Variants in PNMA6F observed in about 807,000 individuals in gnomAD.
PNMA6F encodes paraneoplastic antigen Ma6F.
For missense variants in PNMA6F, 57 were observed against 10.8 expected (o/e 5.25, Z -5.98); for synonymous variants, 14 against 3.4 (o/e 4.15, Z -3.45).
Position 153,317,804 on chromosome X carries a change from GC to G in PNMA6F, c.*1133del. The G allele has an allele frequency of 8.2e-6, 1 of 122,297 alleles. No homozygotes were observed. 10.1% of individuals were successfully genotyped at this position (122,297 alleles called of 1,213,427 possible). ...GACACAGGTCCCACACAGGTCCCGGGCCCCCTCCTCCTGGGGTTCCTGGCAA... is the reference window on the plus strand; with the variant it reads ...GACACAGGTCCCACACAGGTCCCGGGCCCCTCCTCCTGGGGTTCCTGGCAA... On this transcript the variant is annotated 3_prime_UTR_variant, in exon 2 of 2. Transcript: ENST00000436629.
In PNMA6F at chrX:153,319,786, CCAG is replaced by C. The variant is rs1291049215; in HGVS notation, c.886_888del (p.Leu296del). The C allele has an allele frequency of 3.3e-6, 1 of 301,781 alleles. No homozygotes were observed. Among genetic ancestry groups the C allele is most frequent in the African/African-American group, 2.7e-5 (1 of 37,228 alleles). The allele number at this position is 301,781 out of a possible 1,213,427, so 24.9% of individuals were successfully genotyped here. On this transcript the variant is annotated inframe_deletion, in exon 2 of 2. Transcript: ENST00000436629. ...TCCAGGGCCAGGCCATCCAAGCTGT[CCAG>C]CAGCCGCCTCCTTCTCTCCCTTTCC...
rs2051973283 is a variant in PNMA6F, at chrX:153,318,673, C to T, written c.*265G>A. Reference sequence around the variant, plus strand: ...CACCCTTGAGAGGGCCTCTTTCCCCCATCTCTCCCAACACAGGACAAGGGG... The same window carrying T: ...CACCCTTGAGAGGGCCTCTTTCCCCTATCTCTCCCAACACAGGACAAGGGG... On this transcript the variant is annotated 3_prime_UTR_variant, in exon 2 of 2. Transcript: ENST00000436629. The T allele has an allele frequency of 4.1e-6, 1 of 243,660 alleles. No homozygotes were observed. Among genetic ancestry groups the T allele is most frequent in the Non-Finnish European group, 7.3e-6 (1 of 136,607 alleles). 20.1% of individuals were successfully genotyped at this position (243,660 alleles called of 1,213,427 possible).
In PNMA6F at chrX:153,319,833, TGC is replaced by T. The variant is rs2051983557; in HGVS notation, c.840_841del (p.Gln281AlafsTer50). ...CCTTTCCGACGCGTGGCACCACAGC[TGC>T]AGCATATCCTTGGCGTCCTCCAACC... On this transcript the variant is annotated frameshift_variant, in exon 2 of 2. Coordinates refer to ENST00000436629, the MANE Select transcript of PNMA6F (RefSeq NM_001354980.2). LOFTEE classifies it low-confidence loss of function (END_TRUNC). 4 of 300,959 alleles carry T rather than the reference TGC, an allele frequency of 1.3e-5. No homozygotes were observed. The highest frequency in any genetic ancestry group is 8.6e-4 in the Middle Eastern group (1 of 1,166). 24.8% of individuals were successfully genotyped at this position (300,959 alleles called of 1,213,427 possible).
At position 153,319,643 on chromosome X, in the gene PNMA6F, C is replaced by T. The variant is rs1556958673; in HGVS notation, c.1032G>A (p.Leu344=). ...DTWMTSRMKF[L]TCTQGPQEGL... ...CCTCCTGGGGCCCCTGCGTGCAGGT[C>T]AGGAACTTCATCCGCGAGGTCATCC... The change falls in exon 2 of 2, where the codon CTG becomes CTA. Residue 344 remains leucine, a synonymous_variant. Transcript: ENST00000436629. 1 of 297,262 alleles carries T rather than the reference C, an allele frequency of 3.4e-6. No homozygotes were observed. Among genetic ancestry groups the T allele is most frequent in the African/African-American group, 2.7e-5 (1 of 36,786 alleles). The allele number at this position is 297,262 out of a possible 1,213,427, so 24.5% of individuals were successfully genotyped here. A position where few individuals can be genotyped will look rare whatever the true frequency, so the allele number is the denominator to read the frequency against.
In PNMA6F at chrX:153,318,519, G is replaced by A. The variant is rs1301035889; in HGVS notation, c.*419C>T. On this transcript the variant is annotated 3_prime_UTR_variant, in exon 2 of 2. Transcript: ENST00000436629. ...ACAATGGCTAGCGGTGGGTGAGTGG[G>A]CGTCTGCTGTTCGGACGCGTGGGTC... The A allele has an allele frequency of 2.5e-5, 3 of 120,295 alleles. No homozygotes were observed. The highest frequency in any genetic ancestry group is 5.2e-5 in the Non-Finnish European group (3 of 58,206). 9.9% of individuals were successfully genotyped at this position (120,295 alleles called of 1,213,427 possible). A position where few individuals can be genotyped will look rare whatever the true frequency, so the allele number is the denominator to read the frequency against.
rs2051987698 is a variant in PNMA6F at position 153,320,300 on chromosome X, C to CTCATCT, written c.374_375insAGATGA (p.Glu125_Ala126insAspGlu). The CTCATCT allele has an allele frequency of 6.0e-5, 19 of 317,686 alleles. No individual in the cohort carries two copies. The highest frequency in any genetic ancestry group is 8.1e-5 in the Non-Finnish European group (15 of 184,266). 26.2% of individuals were successfully genotyped at this position (317,686 alleles called of 1,213,427 possible). A position where few individuals can be genotyped will look rare whatever the true frequency, so the allele number is the denominator to read the frequency against. On this transcript the variant is annotated inframe_insertion, in exon 2 of 2. Coordinates refer to ENST00000436629, the MANE Select transcript of PNMA6F (RefSeq NM_001354980.2). ...CTCCTGCCTCACCTACAGATCCTGC[C>CTCATCT]TCACCTGCAGCTCCTGCTTCACCTG... is the stretch of plus-strand genomic sequence containing the variant.
rs188341536 is a variant in PNMA6F, at chrX:153,320,782, G to C, written c.-83-25C>G. Reference sequence around the variant, plus strand: ...CCTGTGAGTGCAAAGGGGAGAGAGGGACGACGTTGCTGCCAATCAACCCAC... The same window carrying C: ...CCTGTGAGTGCAAAGGGGAGAGAGGCACGACGTTGCTGCCAATCAACCCAC... On this transcript the variant is annotated intron_variant, in intron 1 of 1. Transcript: ENST00000436629. The C allele has an allele frequency of 9.1e-4, 266 of 292,878 alleles. 3 individuals are homozygous for C. Among genetic ancestry groups the C allele is most frequent in the African/African-American group, 7.2e-3 (259 of 36,117 alleles). 24.1% of individuals were successfully genotyped at this position (292,878 alleles called of 1,213,427 possible). A position where few individuals can be genotyped will look rare whatever the true frequency, so the allele number is the denominator to read the frequency against.
chrX:153,318,755 A>C lies in PNMA6F; in HGVS notation c.*183T>G, dbSNP rs191725108. ...AGAGCTCCCTCCAGGCCAGCTCCCC[A>C]TTTGGTATCAAACGTGGTCATCTGA... On this transcript the variant is annotated 3_prime_UTR_variant, in exon 2 of 2. Coordinates refer to ENST00000436629, the MANE Select transcript of PNMA6F (RefSeq NM_001354980.2). 1,042 of 291,580 alleles carry C rather than the reference A, an allele frequency of 3.6e-3. 12 individuals are homozygous for C. The highest frequency in any genetic ancestry group is 0.026 in the African/African-American group (950 of 36,713). 24.0% of individuals were successfully genotyped at this position (291,580 alleles called of 1,213,427 possible).
At position 153,318,231 on chromosome X, in the gene PNMA6F, T is replaced by C. The variant is rs1355383777; in HGVS notation, c.*707A>G. 1.7e-5 allele frequency: 2 copies of C among 120,256 alleles called. No homozygotes were observed. Among genetic ancestry groups the C allele is most frequent in the Admixed American group, 9.4e-5 (1 of 10,648 alleles). 9.9% of individuals were successfully genotyped at this position (120,256 alleles called of 1,213,427 possible). ...ATAGCAGTCACAGGATGAGCGTCCA[T>C]CGTGCCCTGGCGCCTCCTTCCACCA... On this transcript the variant is annotated 3_prime_UTR_variant, in exon 2 of 2. Transcript: ENST00000436629.
chrX:153,320,161 CTCCTGCCTCACCTGCTG>C lies in PNMA6F; in HGVS notation c.497_513del (p.Ala166GlyfsTer4). Reference sequence around the variant, plus strand: ...CCTGCACCTCCTGCCTCACCTGCTGCTCCTGCCTCACCTGCTGCTCCTGCCTCACCTGCTGCTCCTGC... The same window carrying C: ...CCTGCACCTCCTGCCTCACCTGCTGCCTCCTGCCTCACCTGCTGCTCCTGC... On this transcript the variant is annotated frameshift_variant, in exon 2 of 2. Coordinates refer to ENST00000436629, the MANE Select transcript of PNMA6F (RefSeq NM_001354980.2). LOFTEE classifies it low-confidence loss of function (END_TRUNC). 2.8e-6 allele frequency: 1 copy of C among 356,972 alleles called. No homozygotes were observed. The highest frequency in any genetic ancestry group is 4.9e-5 in the Admixed American group (1 of 20,363). 29.4% of individuals were successfully genotyped at this position (356,972 alleles called of 1,213,427 possible).
Position 153,319,302 on chromosome X carries a change from T to C in PNMA6F, c.1373A>G (p.Gln458Arg). The change falls in exon 2 of 2, where the codon CAG becomes CGG. Residue 458 changes from glutamine to arginine, a missense_variant. Gln to Arg is a conservative substitution (Grantham distance 43, BLOSUM62 1). Coordinates refer to ENST00000436629, the MANE Select transcript of PNMA6F (RefSeq NM_001354980.2). ...DPAAAQASPA[Q>R]GDASEADPGA... is the part of the protein sequence containing the mutation. ...GGGATCAGCCTCGCTGGCGTCCCCCTGGGCCGGGGAGGCCTGGGCAGCAGC... is the reference window on the plus strand; with the variant it reads ...GGGATCAGCCTCGCTGGCGTCCCCCCGGGCCGGGGAGGCCTGGGCAGCAGC... 1 of 298,142 alleles carries C rather than the reference T, an allele frequency of 3.4e-6. No individual in the cohort carries two copies. The highest frequency in any genetic ancestry group is 5.9e-6 in the Non-Finnish European group (1 of 170,430). The allele number at this position is 298,142 out of a possible 1,213,427, so 24.6% of individuals were successfully genotyped here.
Position 153,320,242 on chromosome X carries a change from C to T in PNMA6F, c.433G>A (p.Glu145Lys). 6.0e-6 allele frequency: 2 copies of T among 331,045 alleles called. No homozygotes were observed. Among genetic ancestry groups the T allele is most frequent in the Non-Finnish European group, 1.0e-5 (2 of 192,479 alleles). 27.3% of individuals were successfully genotyped at this position (331,045 alleles called of 1,213,427 possible). Residue 145 changes from glutamate to lysine, a missense_variant, in exon 2 of 2, where the codon GAG (glutamate) becomes AAG (lysine). By Grantham distance (56) the Glu-to-Lys change is moderately conservative. Transcript: ENST00000436629. ...VNEERSAGED[E>K]AGGIGEAGGV... ...CCTGCCTCACCTATACCTCCTGCCT[C>T]ATCTTCACCTGCAGATCTTTCCTCA...
rs1251627293 is a variant in PNMA6F, at chrX:153,319,497, G to C, written c.1178C>G (p.Pro393Arg). 3.4e-6 allele frequency: 1 copy of C among 297,009 alleles called. No individual in the cohort carries two copies. The highest frequency in any genetic ancestry group is 6.1e-5 in the Admixed American group (1 of 16,500). 24.5% of individuals were successfully genotyped at this position (297,009 alleles called of 1,213,427 possible). Residue 393 changes from proline to arginine, a missense_variant, in exon 2 of 2, where the codon CCC becomes CGC. Coordinates refer to ENST00000436629, the MANE Select transcript of PNMA6F (RefSeq NM_001354980.2). ...CAGGGTATCCTGGAGTGCCTCGCTG[G>C]GGCGGGCCCGAGACAGCACCTGCCG... Reference protein sequence around the residue: ...RLRQVLSRARPSEALQDTLRR... With the variant: ...RLRQVLSRARRSEALQDTLRR...
chrX:153,319,368 C>G lies in PNMA6F; in HGVS notation c.1307G>C (p.Gly436Ala), dbSNP rs1416597175. ...CACTGGGGCCGCTGCCCAGGCCACACCCTGCTGGCTCCTTGCTAGGGAGGC... is the reference window on the plus strand; with the variant it reads ...CACTGGGGCCGCTGCCCAGGCCACAGCCTGCTGGCTCCTTGCTAGGGAGGC... ...WAASLARSQQ[G>A]VAWAAAPVES... The change falls in exon 2 of 2, where the codon GGT becomes GCT. Residue 436 changes from glycine to alanine, a missense_variant. Physicochemically the swap from Gly to Ala is moderately conservative, Grantham distance 60. Transcript: ENST00000436629. The G allele has an allele frequency of 2.7e-5, 8 of 298,127 alleles. No individual in the cohort carries two copies. Among genetic ancestry groups the G allele is most frequent in the Non-Finnish European group, 4.7e-5 (8 of 170,381 alleles). The allele number at this position is 298,127 out of a possible 1,213,427, so 24.6% of individuals were successfully genotyped here. A position where few individuals can be genotyped will look rare whatever the true frequency, so the allele number is the denominator to read the frequency against.
At position 153,318,580 on chromosome X, in the gene PNMA6F, G is replaced by A. The variant is rs879984861; in HGVS notation, c.*358C>T. ...CTACAGAGGTGAGGGTGGGCTTCCC[G>A]GAACGGGGGGCAGTCTGCCCCAGGG... On this transcript the variant is annotated 3_prime_UTR_variant, in exon 2 of 2. Transcript: ENST00000436629. 1 of 143,937 alleles carries A rather than the reference G, an allele frequency of 6.9e-6. No individual in the cohort carries two copies. The highest frequency in any genetic ancestry group is 3.1e-5 in the African/African-American group (1 of 32,654). 11.9% of individuals were successfully genotyped at this position (143,937 alleles called of 1,213,427 possible).
Position 153,318,899 on chromosome X carries a change from G to T in PNMA6F, c.*39C>A, listed in dbSNP as rs982622175. 3.3e-6 allele frequency: 1 copy of T among 299,263 alleles called. No individual in the cohort carries two copies. The highest frequency in any genetic ancestry group is 5.8e-6 in the Non-Finnish European group (1 of 171,154). 24.7% of individuals were successfully genotyped at this position (299,263 alleles called of 1,213,427 possible). A position where few individuals can be genotyped will look rare whatever the true frequency, so the allele number is the denominator to read the frequency against. On this transcript the variant is annotated 3_prime_UTR_variant, in exon 2 of 2. Coordinates refer to ENST00000436629, the MANE Select transcript of PNMA6F (RefSeq NM_001354980.2). Reference sequence around the variant, plus strand: ...GGCCTCTGTCTGCCTCCAGGGTGCTGCTGCCTGAGAGGAGAGGAGCCCTCA... The same window carrying T: ...GGCCTCTGTCTGCCTCCAGGGTGCTTCTGCCTGAGAGGAGAGGAGCCCTCA...
chrX:153,320,139 G>A lies in PNMA6F; in HGVS notation c.536C>T (p.Ala179Val). The A allele has an allele frequency of 2.9e-6, 1 of 346,427 alleles. No individual in the cohort carries two copies. The highest frequency in any genetic ancestry group is 4.9e-6 in the Non-Finnish European group (1 of 203,438). The allele number at this position is 346,427 out of a possible 1,213,427, so 28.5% of individuals were successfully genotyped here. A position where few individuals can be genotyped will look rare whatever the true frequency, so the allele number is the denominator to read the frequency against. ...EAGAAGEAGG[A>V]GEAGGAGEAG... is the part of the protein sequence containing the mutation. ...CTCACCTGCACCTCCTGCCTCACCTGCACCTCCTGCCTCACCTGCTGCTCC... is the reference window on the plus strand; with the variant it reads ...CTCACCTGCACCTCCTGCCTCACCTACACCTCCTGCCTCACCTGCTGCTCC... Residue 179 changes from alanine to valine, a missense_variant, in exon 2 of 2, where the codon GCA (alanine) becomes GTA (valine). Transcript: ENST00000436629.
chrX:153,319,301 C>T lies in PNMA6F; in HGVS notation c.1374G>A (p.Gln458=). Residue 458 remains glutamine, a synonymous_variant, in exon 2 of 2, where the codon CAG becomes CAA. Coordinates refer to ENST00000436629, the MANE Select transcript of PNMA6F (RefSeq NM_001354980.2). ...DPAAAQASPA[Q]GDASEADPGA... ...CGGGATCAGCCTCGCTGGCGTCCCC[C>T]TGGGCCGGGGAGGCCTGGGCAGCAG... 3.4e-6 allele frequency: 1 copy of T among 298,345 alleles called. No individual in the cohort carries two copies. The allele number at this position is 298,345 out of a possible 1,213,427, so 24.6% of individuals were successfully genotyped here.
In PNMA6F at chrX:153,320,667, T is replaced by C. The variant is rs73631732; in HGVS notation, c.8A>G (p.Gln3Arg). The C allele has an allele frequency of 6.4e-3, 1,893 of 295,914 alleles. 29 individuals carry two copies. The highest frequency in any genetic ancestry group is 0.041 in the African/African-American group (1,475 of 36,229). The allele number at this position is 295,914 out of a possible 1,213,427, so 24.4% of individuals were successfully genotyped here. A position where few individuals can be genotyped will look rare whatever the true frequency, so the allele number is the denominator to read the frequency against. MLQDWCRRMGVNA... is the reference protein window; with the variant it reads MLRDWCRRMGVNA... ...CACACCCATCCTCCTGCACCAGTCC[T>C]GAAGCATCGCCAGAGCTATCGCAGA... The change falls in exon 2 of 2, where the codon CAG becomes CGG. Residue 3 changes from glutamine to arginine, a missense_variant. Physicochemically the swap from Gln to Arg is conservative, Grantham distance 43. Coordinates refer to ENST00000436629, the MANE Select transcript of PNMA6F (RefSeq NM_001354980.2).
Sources: allele counts gnomAD v4.1 joint callset, GRCh38; gene constraint gnomAD v4.1.1; transcripts MANE v1.5; gene names NCBI Gene and HGNC (gene_info 2026-07-23, HGNC 2026-07-21).